Variants in WWOX observed in about 807,000 individuals in gnomAD.
WWOX encodes WW domain-containing oxidoreductase.
A neutral mutation model predicts 46.2 loss-of-function variants in WWOX; 69 were observed. The observed-to-expected ratio is 1.49, with a 90% confidence interval of 1.23 to 1.82. The LOEUF is 1.82. WWOX is among the 40% of genes most tolerant of loss of function. The pLI, the probability that WWOX is intolerant of heterozygous loss-of-function variation, is 0.00. For synonymous variants in WWOX, 359 were observed against 202.6 expected, an observed-to-expected ratio of 1.77 and a Z score of -6.56; for missense variants, 919 against 542.6, an observed-to-expected ratio of 1.69 and a Z score of -6.89.
At chr16:78,948,483 G>A (rs906211695) in intron 8 of WWOX, among the ~76,000 whole-genome samples, 2 of 152,176 alleles carry the variant, frequency 1.3e-5, no homozygotes, top group Non-Finnish European at 2.9e-5. Flanking sequence ...CTGCTTTTGA[G>A]AACCTCCCGT....
At chr16:78,917,499 T>C (rs1450307912) in intron 8 of WWOX, among the ~76,000 whole-genome samples, 4 of 152,072 alleles carry the variant, frequency 2.6e-5, no homozygotes, top group African/African-American at 9.7e-5. Flanking sequence ...TTTCCTTAAA[T>C]TTAATTCAAG....
At chr16:78,724,571 G>A (rs1487453862) in intron 8 of WWOX, among the ~76,000 whole-genome samples, 1 of 152,122 alleles carries the variant, frequency 6.6e-6, no homozygotes, top group Non-Finnish European at 1.5e-5. Context: ...TTTAGGAGGG[G>A]AATTTGGGGA....
At chr16:78,505,097 A>G (rs1402518626) in intron 8 of WWOX, among the ~76,000 whole-genome samples, 1 of 152,124 alleles carries the variant, frequency 6.6e-6, no homozygotes, top group Non-Finnish European at 1.5e-5. Context: ...CCGAAGCACA[A>G]TAGGGTTTAG....
At chr16:78,130,691 C>G (rs1325034119) in intron 4 of WWOX, among the ~76,000 whole-genome samples, 1 of 152,216 alleles carries the variant, frequency 6.6e-6, no homozygotes, top group Non-Finnish European at 1.5e-5. Flanking sequence ...TGATATTGGA[C>G]TCACTGGCTC....
chr16:78,908,415 C>T (rs1469755430), intron 8 of WWOX, among the ~76,000 whole-genome samples: 2 of 151,982 alleles, frequency 1.3e-5, no homozygotes, highest in East Asian at 1.9e-4. Flanking sequence ...TGGTAGGCGC[C>T]TGTAATCCTA....
chr16:78,943,301 G>C (rs922119980), intron 8 of WWOX, among the ~76,000 whole-genome samples: 1 of 147,504 alleles, frequency 6.8e-6, no homozygotes, highest in Admixed American at 6.6e-5. Context: ...AATGAGGTAC[G>C]CTAAACGAGT....
chr16:79,144,111 C>G (rs1443786385), intron 8 of WWOX, among the ~76,000 whole-genome samples: 2 of 152,144 alleles, frequency 1.3e-5, no homozygotes, highest in Non-Finnish European at 2.9e-5. Context: ...GTTGCCCAGG[C>G]TTGTCTTGAA....
chr16:78,957,241 T>G (rs992358030), intron 8 of WWOX, among the ~76,000 whole-genome samples: 22 of 152,324 alleles, frequency 1.4e-4, no homozygotes, highest in African/African-American at 5.3e-4. Context: ...CGTCCTTTTG[T>G]GTGACGAAAT....
intron 8 of WWOX, among the ~76,000 whole-genome samples, chr16:78,465,748 C>T (rs1280313113): frequency 1.3e-5 from 2 of 152,132 alleles, no homozygotes; most frequent in Admixed American, 6.6e-5. Flanking sequence ...TCAGAGGGCA[C>T]CAGTAGTGTA....
intron 8 of WWOX, among the ~76,000 whole-genome samples, chr16:78,782,908 T>C (rs149629038): frequency 2.3e-4 from 35 of 152,292 alleles, no homozygotes; most frequent in African/African-American, 7.7e-4. Context: ...TTGTTTTATA[T>C]CTATTACAAA....
chr16:79,040,150 C>A (rs1183381171), intron 8 of WWOX, among the ~76,000 whole-genome samples: 1 of 152,070 alleles, frequency 6.6e-6, no homozygotes, highest in Non-Finnish European at 1.5e-5. Context: ...TGGAATGGAT[C>A]CTGGCATAAA....
intron 8 of WWOX, among the ~76,000 whole-genome samples, chr16:78,503,243 C>A (rs910391572): frequency 1.3e-5 from 2 of 152,106 alleles, no homozygotes; most frequent in East Asian, 1.9e-4. Context: ...ATGGAGTCTT[C>A]CATCCGCTGG....
chr16:78,864,382 C>G (rs1332692132), intron 8 of WWOX, among the ~76,000 whole-genome samples: 1 of 152,014 alleles, frequency 6.6e-6, no homozygotes, highest in Non-Finnish European at 1.5e-5. Flanking sequence ...ATCCTCCCAC[C>G]TCAGCCTCCT....
At chr16:78,937,716 C>T (rs1393266468) in intron 8 of WWOX, among the ~76,000 whole-genome samples, 1 of 151,950 alleles carries the variant, frequency 6.6e-6, no homozygotes, top group Non-Finnish European at 1.5e-5. Flanking sequence ...CCTCCGCCTC[C>T]TGGGTTGAAG....
intron 8 of WWOX, among the ~76,000 whole-genome samples, chr16:78,725,081 C>A (rs929201378): frequency 2.0e-5 from 3 of 152,082 alleles, no homozygotes; most frequent in African/African-American, 7.2e-5. Context: ...AATATTGAAT[C>A]ATGGGGGTGG....
rs66999008 is a variant in WWOX at position 78,370,980 on chromosome 16, C to CTTTT, written c.517-15867_517-15864dup. ...TTGCTCTGAGACTGTGTTGTGATTT[C>CTTTT]TTTTTTTTTTTTTTTTACTTGTTTG... On this transcript the variant is annotated intron_variant, in intron 5 of 8. Transcript: ENST00000566780. 2.6e-3 allele frequency among the ~76,000 whole-genome samples: 345 copies of CTTTT among 134,372 alleles called. 4 individuals carry two copies. In the East Asian group the frequency reaches 0.04, roughly 15 times the overall value. 88.2% of individuals were successfully genotyped at this position (134,372 alleles called of 152,430 possible). A position where few individuals can be genotyped will look rare whatever the true frequency, so the allele number is the denominator to read the frequency against.
intron 8 of WWOX, among the ~76,000 whole-genome samples, chr16:79,047,302 A>C (rs2048083635): frequency 6.6e-6 from 1 of 152,180 alleles, no homozygotes; most frequent in African/African-American, 2.4e-5. Flanking sequence ...AATAGTCTGA[A>C]GTGTTTTCTT....
At chr16:78,798,345 A>G (rs1260849205) in intron 8 of WWOX, among the ~76,000 whole-genome samples, 2 of 152,180 alleles carry the variant, frequency 1.3e-5, no homozygotes, top group African/African-American at 4.8e-5. Flanking sequence ...GCCTTTCCCT[A>G]GCTAGAGGTC....
intron 6 of WWOX, among the ~76,000 whole-genome samples, chr16:78,393,637 G>A (rs2082224077): frequency 6.6e-6 from 1 of 152,150 alleles, no homozygotes; most frequent in Non-Finnish European, 1.5e-5. Flanking sequence ...TGGTCAGCTT[G>A]TATAATACTG....
Sources: gnomAD v4.1 joint callset for allele counts (sites outside exome capture counted in the v4.1 genomes callset) on GRCh38, gnomAD v4.1.1 for gene constraint, MANE v1.5 for transcripts, NCBI Gene and HGNC (gene_info 2026-07-23, HGNC 2026-07-21) for gene names.